The following LDLRAD3 variants were observed in gnomAD, a reference collection of about 807,000 sequenced individuals.
The protein encoded by LDLRAD3 is low density lipoprotein receptor class A domain containing 3.
Under a neutral mutation model 29.4 loss-of-function variants are expected in LDLRAD3, and 20 were observed. The ratio of observed to expected loss-of-function variants is 0.68; its 90% CI spans 0.48 to 0.99. The LOEUF is 0.99. LDLRAD3 is among the 50% of genes least tolerant of loss of function. The pLI, the probability that LDLRAD3 is intolerant of heterozygous loss-of-function variation, is 0.00. For synonymous variants in LDLRAD3, 157 were observed against 192.7 expected (o/e 0.81, Z 1.53); for missense variants, 420 against 454.3 (o/e 0.92, Z 0.69).
At chr11:36,209,557 A>G (rs895571603) in intron 4 of LDLRAD3, among the ~76,000 whole-genome samples, 2 of 151,820 alleles carry the variant, frequency 1.3e-5, no homozygotes, top group Non-Finnish European at 2.9e-5. Flanking sequence ...ACAGGGTTTC[A>G]CCATGTTGGT....
At chr11:36,212,915 G>A (rs1462687557) in intron 4 of LDLRAD3, among the ~76,000 whole-genome samples, 1 of 152,198 alleles carries the variant, frequency 6.6e-6, no homozygotes, top group Non-Finnish European at 1.5e-5. Flanking sequence ...TTGCCCAAAG[G>A]ATGGCAGTGG....
At chr11:35,981,888 TG>T (rs1240101039) in intron 1 of LDLRAD3, among the ~76,000 whole-genome samples, 7 of 152,216 alleles carry the variant, frequency 4.6e-5, no homozygotes, top group Non-Finnish European at 1.0e-4. Context: ...TTTCTGCTTT[TG>T]GTTCTTCCAC....
intron 1 of LDLRAD3, among the ~76,000 whole-genome samples, chr11:36,015,715 T>A (rs1424168058): frequency 6.6e-6 from 1 of 151,992 alleles, no homozygotes; most frequent in African/African-American, 2.4e-5. Context: ...CTTCTGTTTT[T>A]GAACTGGCAA....
intron 4 of LDLRAD3, among the ~76,000 whole-genome samples, chr11:36,226,607 T>C (rs1855502545): frequency 6.6e-6 from 1 of 152,246 alleles, no homozygotes; most frequent in Non-Finnish European, 1.5e-5. Flanking sequence ...AATTTACCAA[T>C]TTGTGCAACC....
intron 1 of LDLRAD3, among the ~76,000 whole-genome samples, chr11:36,009,089 C>A (rs904822355): frequency 1.3e-5 from 2 of 152,090 alleles, no homozygotes; most frequent in African/African-American, 4.8e-5. Context: ...CAAGTAAGTA[C>A]ACACCTTCAC....
chr11:36,134,006 T>C (rs1344555591), intron 4 of LDLRAD3, among the ~76,000 whole-genome samples: 1 of 151,996 alleles, frequency 6.6e-6, no homozygotes, highest in Non-Finnish European at 1.5e-5. Context: ...TACACACACA[T>C]ACACACACAT....
At chr11:36,081,628 T>G in intron 2 of LDLRAD3, 25 bp from the exon 3 acceptor site, 1 of 1,614,186 alleles carries the variant, frequency 6.2e-7, no homozygotes, top group Non-Finnish European at 8.5e-7. Flanking sequence ...TCCTGATGTC[T>G]TGCTGTTTCT....
intron 1 of LDLRAD3, among the ~76,000 whole-genome samples, chr11:35,988,401 C>A (rs2133164333): frequency 6.6e-6 from 1 of 152,172 alleles, no homozygotes; most frequent in Admixed American, 6.5e-5. Flanking sequence ...GTCTTTTGCC[C>A]ACTTTTTAAT....
intron 4 of LDLRAD3, among the ~76,000 whole-genome samples, chr11:36,161,074 C>T (rs1036363668): frequency 5.9e-5 from 9 of 152,178 alleles, no homozygotes; most frequent in Non-Finnish European, 1.0e-4. Flanking sequence ...GGATTACAGG[C>T]GTGAGCCACC....
At chr11:36,144,308 G>GC (rs1340411150) in intron 4 of LDLRAD3, among the ~76,000 whole-genome samples, 1 of 150,676 alleles carries the variant, frequency 6.6e-6, no homozygotes, top group Non-Finnish European at 1.5e-5. Context: ...GCCTGCCTTG[G>GC]CCCCCCAAAG....
At position 36,177,276 on chromosome 11, in the gene LDLRAD3, T is replaced by C. The variant is rs1019610918; in HGVS notation, c.455-49809T>C. Among the ~76,000 whole-genome samples, 8 of 152,358 alleles carry C rather than the reference T, an allele frequency of 5.3e-5. No individual in the cohort carries two copies. In the East Asian group the frequency reaches 1.3e-3, roughly 26 times the overall value. ...TTTTCACCTTTCTCTGGTGCCTCCA[T>C]GAGTAGCTAAACAATTGAGCTTCTT... On this transcript the variant is annotated intron_variant, in intron 4 of 5. Coordinates refer to ENST00000315571, the MANE Select transcript of LDLRAD3 (RefSeq NM_174902.4).
intron 4 of LDLRAD3, among the ~76,000 whole-genome samples, chr11:36,099,529 G>A (rs955437941): frequency 1.3e-5 from 2 of 152,098 alleles, no homozygotes; most frequent in South Asian, 4.1e-4. Context: ...CTGTATGATT[G>A]TACCATAGTT....
intron 1 of LDLRAD3, among the ~76,000 whole-genome samples, chr11:35,950,500 A>T (rs1337084560): frequency 2.0e-5 from 3 of 152,050 alleles, no homozygotes; most frequent in African/African-American, 7.2e-5. Context: ...ATGGTCATAC[A>T]CAGTATATAT....
At chr11:36,143,484 C>A (rs1854116849) in intron 4 of LDLRAD3, among the ~76,000 whole-genome samples, 1 of 152,200 alleles carries the variant, frequency 6.6e-6, no homozygotes, top group Admixed American at 6.5e-5. Context: ...CAGAAATAAC[C>A]TCATTGGGCA....
rs33941156 is a variant in LDLRAD3 at position 35,991,867 on chromosome 11, T to TTGTGTGTGTGTGTGTGTGTG, written c.47-44218_47-44199dup. Among the ~76,000 whole-genome samples, 500 of 82,718 alleles carry TTGTGTGTGTGTGTGTGTGTG rather than the reference T, an allele frequency of 6.0e-3. 7 individuals carry two copies. Among genetic ancestry groups the TTGTGTGTGTGTGTGTGTGTG allele is most frequent in the African/African-American group, 0.012 (398 of 33,186 alleles). 54.3% of individuals were successfully genotyped at this position (82,718 alleles called of 152,430 possible). A position where few individuals can be genotyped will look rare whatever the true frequency, so the allele number is the denominator to read the frequency against. ...AGCAGTTCATAAATTGAATGGTTGT[T>TTGTGTGTGTGTGTGTGTGTG]TGTGTGTGTGTGTGTGTGTGTGTGT... On this transcript the variant is annotated intron_variant, in intron 1 of 5. Coordinates refer to ENST00000315571, the MANE Select transcript of LDLRAD3 (RefSeq NM_174902.4).
At chr11:36,037,505 G>C (rs1852319979) in intron 2 of LDLRAD3, among the ~76,000 whole-genome samples, 4 of 152,114 alleles carry the variant, frequency 2.6e-5, no homozygotes. Context: ...ATTAGAGACG[G>C]GGTTTTACCA....
chr11:36,017,249 T>C (rs1852034617), intron 1 of LDLRAD3, among the ~76,000 whole-genome samples: 2 of 152,234 alleles, frequency 1.3e-5, no homozygotes, highest in Admixed American at 6.5e-5. Context: ...GGAGCATTAC[T>C]AGGATAGAGG....
intron 3 of LDLRAD3, among the ~76,000 whole-genome samples, chr11:36,085,719 C>T (rs1020744075): frequency 6.6e-6 from 1 of 152,110 alleles, no homozygotes; most frequent in African/African-American, 2.4e-5. Flanking sequence ...TCCAGTGATC[C>T]TCCCTCCTCA....
intron 4 of LDLRAD3, among the ~76,000 whole-genome samples, chr11:36,201,154 T>C (rs560161499): frequency 1.1e-4 from 17 of 152,340 alleles, no homozygotes; most frequent in African/African-American, 4.1e-4. Context: ...AACCACATGC[T>C]GGTCTTCTTT....
Sources: gnomAD v4.1 joint callset for allele counts (sites outside exome capture counted in the v4.1 genomes callset) on GRCh38, gnomAD v4.1.1 for gene constraint, MANE v1.5 for transcripts, NCBI Gene and HGNC (gene_info 2026-07-23, HGNC 2026-07-21) for gene names.